Variants in TRIP12 observed in about 807,000 individuals in gnomAD.
TRIP12 encodes the protein E3 ubiquitin-protein ligase TRIP12.
Under a neutral mutation model 244.2 loss-of-function variants are expected in TRIP12, and 25 were observed. The observed-to-expected ratio is 0.10, with a 90% CI of 0.07 to 0.14. The LOEUF (loss-of-function observed/expected upper bound fraction) is 0.14. TRIP12 is among the 10% of genes least tolerant of loss of function. The pLI, the probability that TRIP12 is intolerant of heterozygous loss-of-function variation, is 1.00. For synonymous variants in TRIP12, 905 were observed against 873.1 expected (o/e 1.04, Z -0.64); for missense variants, 1,677 against 2,486.4 (o/e 0.67, Z 6.92).
chr2:229,803,546 T>C (rs2045043464), intron 20 of TRIP12, 25 bp downstream of exon 20: 2 of 1,437,838 alleles, frequency 1.4e-6, no homozygotes, highest in Non-Finnish European at 1.9e-6. Flanking sequence ...CTAGACTAAA[T>C]GACTATTAAT....
chr2:229,782,498 C>A (rs2038555118), intron 34 of TRIP12, among the ~76,000 whole-genome samples: 1 of 152,120 alleles, frequency 6.6e-6, no homozygotes, highest in Non-Finnish European at 1.5e-5. Context: ...CACTACCTTG[C>A]CACACTCTTT....
chr2:229,860,356 G>T, intron 3 of TRIP12, 50 bp downstream of exon 3: 1 of 1,568,380 alleles, frequency 6.4e-7, no homozygotes, highest in South Asian at 1.2e-5. Context: ...GCAATGATTT[G>T]AATGCAAATA....
At chr2:229,859,862 C>G (rs184628272) in intron 3 of TRIP12, among the ~76,000 whole-genome samples, 135 of 152,256 alleles carry the variant, frequency 8.9e-4, no homozygotes, top group Admixed American at 1.8e-3. Flanking sequence ...ACAAGAAAAA[C>G]AACACTTAAT....
At chr2:229,835,810 A>T (rs568933692) in intron 6 of TRIP12, among the ~76,000 whole-genome samples, 1 of 152,206 alleles carries the variant, frequency 6.6e-6, no homozygotes, top group East Asian at 1.9e-4. Context: ...ACTGGGAAGG[A>T]GCGTACAGCA....
At chr2:229,884,106 C>CA (rs1020196088) in intron 1 of TRIP12, among the ~76,000 whole-genome samples, 1,485 of 140,332 alleles carry the variant, frequency 0.011, 27 homozygotes, top group African/African-American at 0.033. Context: ...GAGTCCATTT[C>CA]AAAAAAAAAA....
intron 17 of TRIP12, among the ~76,000 whole-genome samples, chr2:229,807,027 T>C (rs553891838): frequency 1.0e-3 from 152 of 152,328 alleles, no homozygotes; most frequent in Non-Finnish European, 1.9e-3. Context: ...TTTAAAAATA[T>C]TTCAGTGCAA....
intron 15 of TRIP12, among the ~76,000 whole-genome samples, chr2:229,810,653 C>T (rs898007909): frequency 6.6e-6 from 1 of 152,110 alleles, no homozygotes; most frequent in African/African-American, 2.4e-5. Flanking sequence ...GTATTGTTAG[C>T]CCCAGAAACA....
chr2:229,863,178 G>A (rs535749967), intron 2 of TRIP12, among the ~76,000 whole-genome samples: 31 of 149,674 alleles, frequency 2.1e-4, no homozygotes, highest in Middle Eastern at 3.5e-3. Context: ...GCAGTGAGCC[G>A]CGATCGTGTC....
intron 2 of TRIP12, among the ~76,000 whole-genome samples, chr2:229,876,823 G>A (rs1185224281): frequency 1.3e-5 from 2 of 151,898 alleles, no homozygotes; most frequent in South Asian, 2.1e-4. Flanking sequence ...TCCACTGTGC[G>A]CAGCTAATTT....
At chr2:229,788,965 A>T in intron 31 of TRIP12, 25 bp from the exon 32 acceptor site, 1 of 1,558,736 alleles carries the variant, frequency 6.4e-7, no homozygotes, top group African/African-American at 1.4e-5. Context: ...AAAAAAAAAA[A>T]GTCTACATGT....
At chr2:229,836,205 A>G (rs942528424) in intron 6 of TRIP12, among the ~76,000 whole-genome samples, 6 of 152,252 alleles carry the variant, frequency 3.9e-5, no homozygotes, top group African/African-American at 1.4e-4. Context: ...TAAGGGACTC[A>G]TACATATAAG....
In TRIP12 at chr2:229,772,533, G is replaced by C. The variant is rs1023264863; in HGVS notation, c.5695-901C>G. Among the ~76,000 whole-genome samples, 9 of 152,138 alleles carry C rather than the reference G, an allele frequency of 5.9e-5. No individual in the cohort carries two copies. In the South Asian group the frequency reaches 1.2e-3, roughly 21 times the overall value. On this transcript the variant is annotated intron_variant, in intron 38 of 41. Transcript: ENST00000675903. ...GGCTGGAGTGCAGTGGCATGATCCT[G>C]ACTCACTGCAACCTCCGCCTCCTGG...
At chr2:229,814,097 C>T in intron 12 of TRIP12, 66 bp from the exon 13 acceptor site, 3 of 1,514,516 alleles carry the variant, frequency 2.0e-6, no homozygotes, top group Non-Finnish European at 2.7e-6. Context: ...TAATTTAACT[C>T]ATAAAAAGTC....
chr2:229,854,659 A>C (rs2059290559), intron 4 of TRIP12, among the ~76,000 whole-genome samples: 1 of 152,220 alleles, frequency 6.6e-6, no homozygotes, highest in Admixed American at 6.5e-5. Context: ...ACAATCATAA[A>C]ATACCACATT....
chr2:229,878,766 T>C (rs1405700581), intron 2 of TRIP12, among the ~76,000 whole-genome samples: 4 of 151,678 alleles, frequency 2.6e-5, no homozygotes, highest in Non-Finnish European at 4.4e-5. Flanking sequence ...GTATTTTTGG[T>C]AGAGACGGGG....
chr2:229,862,381 AAG>A (rs1436600826), intron 2 of TRIP12, among the ~76,000 whole-genome samples: 13 of 152,236 alleles, frequency 8.5e-5, no homozygotes, highest in Admixed American at 2.0e-4. Flanking sequence ...TATTCTAAAA[AAG>A]AGGTGTAACG....
intron 6 of TRIP12, among the ~76,000 whole-genome samples, chr2:229,832,408 C>A (rs1014094699): frequency 6.6e-6 from 1 of 152,182 alleles, no homozygotes; most frequent in Non-Finnish European, 1.5e-5. Context: ...GTAACTCCCC[C>A]ACCACTCTGA....
At chr2:229,794,081 C>G (rs530454244) in intron 26 of TRIP12, among the ~76,000 whole-genome samples, 1 of 152,148 alleles carries the variant, frequency 6.6e-6, no homozygotes, top group African/African-American at 2.4e-5. Flanking sequence ...AAGCACAGGT[C>G]AAAATGCCCC....
At chr2:229,894,524 T>C (rs1279503964) in intron 1 of TRIP12, 4 of 151,970 alleles carry the variant, frequency 2.6e-5, no homozygotes, top group Non-Finnish European at 4.4e-5. Flanking sequence ...TGACCAGAAA[T>C]ATTCCTGAAC....
Sources: gnomAD v4.1 joint callset for allele counts (sites outside exome capture counted in the v4.1 genomes callset) on GRCh38, gnomAD v4.1.1 for gene constraint, MANE v1.5 for transcripts, NCBI Gene and HGNC (gene_info 2026-07-23, HGNC 2026-07-21) for gene names.